The following ANKIB1 variants were observed in gnomAD, a reference collection of about 807,000 sequenced individuals.
ANKIB1 encodes the protein ankyrin repeat and IBR domain-containing protein 1.
Under a neutral mutation model 122.1 loss-of-function variants are expected in ANKIB1, and 43 were observed. That is an observed-to-expected ratio of 0.35 (90% CI 0.28 to 0.45). The LOEUF (loss-of-function observed/expected upper bound fraction) is 0.45. Among genes scored for constraint, ANKIB1 ranks in the 20% least tolerant of loss-of-function variants. ANKIB1 has a pLI of 1.00. For missense variants in ANKIB1, 992 were observed against 1,329.5 expected (o/e 0.75, Z 3.95); for synonymous variants, 390 against 442.0 (o/e 0.88, Z 1.48).
At chr7:92,328,628 A>G (rs1473867195) in intron 5 of ANKIB1, among the ~76,000 whole-genome samples, 3 of 152,106 alleles carry the variant, frequency 2.0e-5, no homozygotes, top group Admixed American at 6.5e-5. Flanking sequence ...AAATATTCTT[A>G]AAAAGATAAA....
rs1483395742 is a variant in ANKIB1 at position 92,355,855 on chromosome 7, A to ATAG, written c.1397+3215_1397+3216insGTA. The stretch of plus-strand genomic sequence containing the variant: ...CGGAGCGAGACTCCGTCTCATAATA[A>ATAG]TAATAATAATAATAATAATAATAAT... On this transcript the variant is annotated intron_variant, in intron 9 of 19. Transcript: ENST00000265742. 1.8e-4 allele frequency among the ~76,000 whole-genome samples: 11 copies of ATAG among 62,048 alleles called. 1 individual carries two copies. The highest frequency in any genetic ancestry group is 3.7e-5 in the Non-Finnish European group (1 of 27,262). The allele number at this position is 62,048 out of a possible 152,430, so 40.7% of individuals were successfully genotyped here.
At chr7:92,335,229 T>G (rs149353701) in intron 5 of ANKIB1, among the ~76,000 whole-genome samples, 40 of 152,084 alleles carry the variant, frequency 2.6e-4, no homozygotes, top group African/African-American at 9.1e-4. Context: ...TTTTTCTGGA[T>G]GTTTTATTGT....
chr7:92,358,481 A>G (rs1803872957), intron 9 of ANKIB1, among the ~76,000 whole-genome samples: 1 of 151,772 alleles, frequency 6.6e-6, no homozygotes, highest in South Asian at 2.1e-4. Flanking sequence ...ATTTAATACA[A>G]CACAGTCTTG....
At position 92,399,004 on chromosome 7, in the gene ANKIB1, G is replaced by A. The variant is rs1804960927; in HGVS notation, c.*55G>A. The A allele has an allele frequency of 6.8e-7, 1 of 1,480,702 alleles. No homozygotes were observed. Among genetic ancestry groups the A allele is most frequent in the Non-Finnish European group, 9.0e-7 (1 of 1,114,086 alleles). The allele number at this position is 1,480,702 out of a possible 1,614,324, so 91.7% of individuals were successfully genotyped here. ...ACAGGTACAGATGGTATGCTAGGTG[G>A]AGTATGCTTGATAGAGACTTTGATT... is the stretch of plus-strand genomic sequence containing the variant. On this transcript the variant is annotated 3_prime_UTR_variant, in exon 20 of 20. Transcript: ENST00000265742.
At chr7:92,316,354 C>G (rs1374583847) in intron 3 of ANKIB1, among the ~76,000 whole-genome samples, 1 of 152,168 alleles carries the variant, frequency 6.6e-6, no homozygotes, top group Non-Finnish European at 1.5e-5. Flanking sequence ...CTTAATGCAT[C>G]TTTTACTTAC....
intron 8 of ANKIB1, 125 bp from the exon 9 acceptor site, chr7:92,352,351 C>G (rs1466373526): frequency 2.0e-6 from 2 of 997,768 alleles, no homozygotes; most frequent in Non-Finnish European, 1.4e-6. Context: ...ACTGACAACT[C>G]CATGCATTTT....
intron 1 of ANKIB1, among the ~76,000 whole-genome samples, chr7:92,283,064 A>G (rs1463937439): frequency 6.6e-6 from 1 of 152,190 alleles, no homozygotes; most frequent in East Asian, 1.9e-4. Flanking sequence ...ACACTGTGAA[A>G]GCTATGTAGA....
In ANKIB1 at chr7:92,398,719, G is replaced by A. The variant is rs201537412; in HGVS notation, c.3040G>A (p.Val1014Met). 1.4e-4 allele frequency: 222 copies of A among 1,613,650 alleles called. 2 individuals carry two copies. In the East Asian group the frequency reaches 4.9e-3, roughly 35 times the overall value. The change falls in exon 20 of 20, where the codon GTG becomes ATG. Residue 1014 changes from valine (V) to methionine (M), a missense_variant. Coordinates refer to ENST00000265742, the MANE Select transcript of ANKIB1 (RefSeq NM_019004.2). ...IKDGSEGVKD[V>M]ELVLPEDSMF... is the part of the protein sequence containing the mutation. ...AGATGGGTCAGAAGGTGTGAAGGAT[G>A]TGGAACTGGTGCTGCCAGAAGATTC...
intron 3 of ANKIB1, among the ~76,000 whole-genome samples, chr7:92,315,538 T>A (rs1802778405): frequency 6.6e-6 from 1 of 152,012 alleles, no homozygotes; most frequent in Admixed American, 6.6e-5. Context: ...TTCAAAGAGA[T>A]GAGAACAAGA....
At chr7:92,371,436 C>G in intron 10 of ANKIB1, 41 bp from the exon 11 acceptor site, 1 of 1,567,938 alleles carries the variant, frequency 6.4e-7, no homozygotes. Flanking sequence ...AAGTTGTACA[C>G]TAAATCATTT....
chr7:92,393,955 T>A (rs1247772309), intron 17 of ANKIB1, among the ~76,000 whole-genome samples: 1 of 152,134 alleles, frequency 6.6e-6, no homozygotes, highest in Non-Finnish European at 1.5e-5. Context: ...GAACTTATAT[T>A]TTTTTCAGTG....
intron 1 of ANKIB1, among the ~76,000 whole-genome samples, chr7:92,252,390 T>TTC (rs1250075223): frequency 6.7e-6 from 1 of 150,260 alleles, no homozygotes; most frequent in East Asian, 1.9e-4. Flanking sequence ...GTACTACTTT[T>TTC]TTTTTTTTTT....
At chr7:92,306,821 G>C (rs977417177) in intron 2 of ANKIB1, among the ~76,000 whole-genome samples, 1 of 152,054 alleles carries the variant, frequency 6.6e-6, no homozygotes, top group African/African-American at 2.4e-5. Flanking sequence ...TGATGACCTT[G>C]GTGGAGAAAA....
chr7:92,313,940 A>G (rs998967076), intron 3 of ANKIB1, among the ~76,000 whole-genome samples: 2 of 152,210 alleles, frequency 1.3e-5, no homozygotes, highest in African/African-American at 4.8e-5. Context: ...AGGATGTACC[A>G]AGTAGAAAGT....
At chr7:92,291,349 G>T (rs997743596) in intron 1 of ANKIB1, among the ~76,000 whole-genome samples, 10 of 151,834 alleles carry the variant, frequency 6.6e-5, no homozygotes, top group Non-Finnish European at 1.3e-4. Flanking sequence ...ACAAATGCTT[G>T]AGGTGGTGGA....
chr7:92,331,736 G>A (rs1399639802), intron 5 of ANKIB1, among the ~76,000 whole-genome samples: 1 of 152,104 alleles, frequency 6.6e-6, no homozygotes, highest in Non-Finnish European at 1.5e-5. Flanking sequence ...TTCATTCATT[G>A]ACCAGAATTC....
At chr7:92,389,699 A>G (rs1804742998) in intron 14 of ANKIB1, among the ~76,000 whole-genome samples, 1 of 152,188 alleles carries the variant, frequency 6.6e-6, no homozygotes, top group South Asian at 2.1e-4. Flanking sequence ...CCAGAATCCA[A>G]GATGAGTATG....
intron 4 of ANKIB1, among the ~76,000 whole-genome samples, chr7:92,327,513 GGTTA>G (rs1331232641): frequency 1.3e-5 from 2 of 152,142 alleles, no homozygotes; most frequent in Non-Finnish European, 2.9e-5. Context: ...ATCATCTCTA[GGTTA>G]GTTATTAACT....
chr7:92,313,479 TC>T (rs1262848733), intron 3 of ANKIB1, among the ~76,000 whole-genome samples: 1 of 152,202 alleles, frequency 6.6e-6, no homozygotes, highest in Non-Finnish European at 1.5e-5. Flanking sequence ...GCCTCTGTTT[TC>T]TAATTTTTAA....
Sources: allele counts gnomAD v4.1 joint callset (sites outside exome capture counted in the v4.1 genomes callset), GRCh38; gene constraint gnomAD v4.1.1; transcripts MANE v1.5; gene names NCBI Gene and HGNC (gene_info 2026-07-23, HGNC 2026-07-21).